Variants in SLC35F1 observed in about 807,000 individuals in gnomAD.
The protein encoded by SLC35F1 is chromosome 6 open reading frame 169.
SLC35F1 carries 14 observed loss-of-function variants against 48.7 expected under a neutral mutation model. That is an observed-to-expected ratio of 0.29 (90% CI 0.19 to 0.45). The LOEUF (loss-of-function observed/expected upper bound fraction) is 0.45, where lower values mean the gene tolerates loss of function less well. SLC35F1 is among the 20% of genes least tolerant of loss of function. The pLI, the probability that SLC35F1 is intolerant of heterozygous loss-of-function variation, is 1.00. For synonymous variants in SLC35F1, 190 were observed against 202.2 expected, an observed-to-expected ratio of 0.94 and a Z score of 0.51; for missense variants, 404 against 500.0, an observed-to-expected ratio of 0.81 and a Z score of 1.83.
chr6:118,131,482 T>C (rs766244219), intron 1 of SLC35F1, among the ~76,000 whole-genome samples: 21 of 152,130 alleles, frequency 1.4e-4, no homozygotes, highest in Admixed American at 5.9e-4. Flanking sequence ...TTTTATATTA[T>C]GAATAATAAT....
chr6:118,112,492 C>G (rs1173425683), intron 1 of SLC35F1, among the ~76,000 whole-genome samples: 1 of 152,102 alleles, frequency 6.6e-6, no homozygotes, highest in Non-Finnish European at 1.5e-5. Flanking sequence ...TCTTTCTCCA[C>G]TTTACTTTCT....
intron 1 of SLC35F1, among the ~76,000 whole-genome samples, chr6:118,039,070 T>C (rs9372494): frequency 0.19 from 28,186 of 152,152 alleles, 2,870 homozygotes; most frequent in East Asian, 0.3. Flanking sequence ...TTAAGATTCC[T>C]TAGAGTTTTG....
chr6:118,162,365 G>A (rs774736558), intron 2 of SLC35F1, among the ~76,000 whole-genome samples: 1 of 152,132 alleles, frequency 6.6e-6, no homozygotes, highest in South Asian at 2.1e-4. Flanking sequence ...TCCAGAGCGT[G>A]GGGTAGTGGT....
intron 2 of SLC35F1, among the ~76,000 whole-genome samples, chr6:118,224,058 G>A (rs1170090107): frequency 6.6e-6 from 1 of 152,172 alleles, no homozygotes; most frequent in African/African-American, 2.4e-5. Flanking sequence ...TTCACAAAAT[G>A]GGATTAAGGA....
At chr6:118,070,879 T>C (rs1387594279) in intron 1 of SLC35F1, among the ~76,000 whole-genome samples, 1 of 106,196 alleles carries the variant, frequency 9.4e-6, no homozygotes, top group Admixed American at 1.2e-4. Context: ...ACTATGTATA[T>C]ATATACATAG....
chr6:118,151,893 C>G (rs1774064250), intron 1 of SLC35F1, among the ~76,000 whole-genome samples: 2 of 151,966 alleles, frequency 1.3e-5, no homozygotes, highest in African/African-American at 4.8e-5. Flanking sequence ...ATTAATCACC[C>G]CCTTTATTTC....
At chr6:118,253,223 A>G (rs1047488218) in intron 3 of SLC35F1, among the ~76,000 whole-genome samples, 1 of 152,142 alleles carries the variant, frequency 6.6e-6, no homozygotes, top group Non-Finnish European at 1.5e-5. Flanking sequence ...GCAGGAGCCC[A>G]TAAGCCAGGA....
chr6:118,181,670 T>C lies in SLC35F1; in HGVS notation c.349+27050T>C, dbSNP rs547439047. Among the ~76,000 whole-genome samples, 491 of 152,198 alleles carry C rather than the reference T, an allele frequency of 3.2e-3. 2 individuals carry two copies. Among genetic ancestry groups the C allele is most frequent in the African/African-American group, 0.011 (456 of 41,552 alleles). On this transcript the variant is annotated intron_variant, in intron 2 of 7. Coordinates refer to ENST00000360388, the MANE Select transcript of SLC35F1 (RefSeq NM_001029858.4). ...AAAATAAGTCAGCAGCATAAATTTTTAATATTCTAGATGTACGATGATTAT... is the reference window on the plus strand; with the variant it reads ...AAAATAAGTCAGCAGCATAAATTTTCAATATTCTAGATGTACGATGATTAT...
At chr6:118,299,107 G>A (rs887171766) in intron 7 of SLC35F1, among the ~76,000 whole-genome samples, 1 of 152,118 alleles carries the variant, frequency 6.6e-6, no homozygotes, top group African/African-American at 2.4e-5. Flanking sequence ...CTACAGCCTG[G>A]GGGGTCGAGG....
chr6:118,013,489 A>T (rs886843261), intron 1 of SLC35F1, among the ~76,000 whole-genome samples: 5 of 152,212 alleles, frequency 3.3e-5, no homozygotes, highest in African/African-American at 7.2e-5. Flanking sequence ...AAGGGCTTTT[A>T]AAAAGTAAAT....
chr6:118,060,879 A>C (rs1039365266), intron 1 of SLC35F1, among the ~76,000 whole-genome samples: 1 of 152,184 alleles, frequency 6.6e-6, no homozygotes, highest in East Asian at 1.9e-4. Flanking sequence ...TAGTTGCCCA[A>C]TTGAGAGTAG....
At chr6:118,165,505 T>C (rs942301269) in intron 2 of SLC35F1, among the ~76,000 whole-genome samples, 2 of 152,174 alleles carry the variant, frequency 1.3e-5, no homozygotes, top group Admixed American at 1.3e-4. Flanking sequence ...CTCAGAGCAC[T>C]AGGGTACCAA....
chr6:118,066,337 C>T (rs1419102032), intron 1 of SLC35F1, among the ~76,000 whole-genome samples: 1 of 152,146 alleles, frequency 6.6e-6, no homozygotes, highest in Non-Finnish European at 1.5e-5. Flanking sequence ...TCCTTTAACA[C>T]TGCTTTAAAT....
At chr6:117,957,914 T>TA (rs905709707) in intron 1 of SLC35F1, among the ~76,000 whole-genome samples, 1 of 151,512 alleles carries the variant, frequency 6.6e-6, no homozygotes, top group African/African-American at 2.4e-5. Context: ...ACTCCTACTT[T>TA]AAAAAAAAAG....
At chr6:117,951,149 T>G (rs1400440491) in intron 1 of SLC35F1, among the ~76,000 whole-genome samples, 1 of 152,214 alleles carries the variant, frequency 6.6e-6, no homozygotes, top group Non-Finnish European at 1.5e-5. Flanking sequence ...TTGTAGGGTT[T>G]GCACAGAGCC....
chr6:118,067,898 C>A (rs749699089), intron 1 of SLC35F1, among the ~76,000 whole-genome samples: 1 of 152,048 alleles, frequency 6.6e-6, no homozygotes, highest in Admixed American at 6.6e-5. Flanking sequence ...AACAAGTTCA[C>A]GGTGGTATTA....
At chr6:117,934,104 T>G (rs1251948944) in intron 1 of SLC35F1, among the ~76,000 whole-genome samples, 1 of 152,086 alleles carries the variant, frequency 6.6e-6, no homozygotes, top group Non-Finnish European at 1.5e-5. Flanking sequence ...TGAAGGGTGA[T>G]CTCCGAAATT....
At chr6:118,241,178 A>G (rs1403424534) in intron 3 of SLC35F1, among the ~76,000 whole-genome samples, 2 of 152,220 alleles carry the variant, frequency 1.3e-5, no homozygotes, top group Non-Finnish European at 2.9e-5. Flanking sequence ...TTCTTAGGAA[A>G]CAAATGATAG....
At chr6:117,923,740 C>CATATGTACATATACATATGT in intron 1 of SLC35F1, among the ~76,000 whole-genome samples, 1 of 60,304 alleles carries the variant, frequency 1.7e-5, no homozygotes, top group Non-Finnish European at 3.1e-5. Context: ...TGTATATATA[C>CATATGTACATATACATATGT]ATATATGTAC....
Sources: allele counts gnomAD v4.1 joint callset (sites outside exome capture counted in the v4.1 genomes callset), GRCh38; gene constraint gnomAD v4.1.1; transcripts MANE v1.5; gene names NCBI Gene and HGNC (gene_info 2026-07-23, HGNC 2026-07-21).